The following SPTBN1 variants were observed in gnomAD, a reference collection of about 807,000 sequenced individuals.
SPTBN1 encodes spectrin beta, non-erythrocytic 1.
SPTBN1 carries 32 observed loss-of-function variants against 266.4 expected under a neutral mutation model. The observed-to-expected ratio is 0.12, with a 90% CI of 0.09 to 0.16. SPTBN1 has a LOEUF of 0.16. Among genes scored for constraint, SPTBN1 ranks in the 10% least tolerant of loss-of-function variants. The pLI is 1.00. For synonymous variants in SPTBN1, 1,336 were observed against 1,162.2 expected (o/e 1.15, Z -3.04); for missense variants, 2,296 against 3,067.1 (o/e 0.75, Z 5.94).
chr2:54,481,662 A>G (rs933149725), intron 1 of SPTBN1, among the ~76,000 whole-genome samples: 2 of 152,186 alleles, frequency 1.3e-5, no homozygotes, highest in Non-Finnish European at 2.9e-5. Context: ...TAAAGAGTTT[A>G]ATGTCCCCAG....
rs768446524 is a variant in SPTBN1, at chr2:54,649,684, G to T, written c.5272G>T (p.Val1758Phe). 6.2e-7 allele frequency: 1 copy of T among 1,614,136 alleles called. No homozygotes were observed. The highest frequency in any genetic ancestry group is 8.5e-7 in the Non-Finnish European group (1 of 1,180,008). Residue 1758 changes from valine to phenylalanine, a missense_variant, in exon 26 of 36, where the codon GTC (valine) becomes TTC (phenylalanine). Transcript: ENST00000356805. The surrounding 1 kb of genome is among the most constrained non-coding windows in gnomAD (Gnocchi z 6.7). The part of the protein sequence containing the change: ...GNIGQERVDT[V>F]NHLADELINS... ...CATTGGGCAGGAGCGCGTGGACACG[G>T]TCAATCACCTGGCAGATGAGCTCAT...
chr2:54,491,871 T>C (rs1018483644), intron 1 of SPTBN1, among the ~76,000 whole-genome samples: 1 of 152,166 alleles, frequency 6.6e-6, no homozygotes, highest in African/African-American at 2.4e-5. Flanking sequence ...AGTGCTGGGA[T>C]TACAGTCATG....
Position 54,646,065 on chromosome 2 carries a change from A to G in SPTBN1, c.4584+48A>G, listed in dbSNP as rs749805988. 1 of 1,612,442 alleles carries G rather than the reference A, an allele frequency of 6.2e-7. No individual in the cohort carries two copies. The highest frequency in any genetic ancestry group is 1.1e-5 in the South Asian group (1 of 90,980). On this transcript the variant is annotated intron_variant, in intron 22 of 35. Transcript: ENST00000356805. The surrounding 1 kb of genome is among the most constrained non-coding windows in gnomAD (Gnocchi z 4.4). ...GTTCTGTCTGATAAATAATTGCTCTAAATTATGAGACTGGGAATGGCAGAG... is the reference window on the plus strand; with the variant it reads ...GTTCTGTCTGATAAATAATTGCTCTGAATTATGAGACTGGGAATGGCAGAG...
At chr2:54,641,463 T>C (rs1418942403) in intron 18 of SPTBN1, among the ~76,000 whole-genome samples, 3 of 152,242 alleles carry the variant, frequency 2.0e-5, no homozygotes, top group Non-Finnish European at 4.4e-5. Flanking sequence ...TCTTTTCCCC[T>C]AAGATTGAAT....
chr2:54,499,724 G>T (rs753939378), intron 1 of SPTBN1, among the ~76,000 whole-genome samples: 2 of 152,176 alleles, frequency 1.3e-5, no homozygotes, highest in Admixed American at 6.5e-5. Flanking sequence ...GGTAGATAAA[G>T]CTTCAGAAAC....
chr2:54,622,528 C>A, intron 9 of SPTBN1, 41 bp downstream of exon 9: 1 of 1,596,832 alleles, frequency 6.3e-7, no homozygotes. Context: ...TATGGAAAGA[C>A]ACATCACTGT....
intron 19 of SPTBN1, among the ~76,000 whole-genome samples, chr2:54,643,801 T>C (rs1284352209): frequency 6.6e-6 from 1 of 152,094 alleles, no homozygotes; most frequent in Admixed American, 6.6e-5. Flanking sequence ...TTGGCCAACA[T>C]GGTGAAACCC....
intron 18 of SPTBN1, among the ~76,000 whole-genome samples, chr2:54,640,407 C>G (rs2104008271): frequency 6.6e-6 from 1 of 152,154 alleles, no homozygotes; most frequent in Non-Finnish European, 1.5e-5. Context: ...GTTACCACCC[C>G]CATAAACACC....
rs75288945 is a variant in SPTBN1 at position 54,562,853 on chromosome 2, C to T, written c.149-36239C>T. ...GATCACAGGTGTGAGCCACTGCACC[C>T]GGCCTAGAAATGCTTACCATTTTTA... On this transcript the variant is annotated intron_variant, in intron 2 of 35. Coordinates refer to ENST00000356805, the MANE Select transcript of SPTBN1 (RefSeq NM_003128.3). Among the ~76,000 whole-genome samples, 1,506 of 152,106 alleles carry T rather than the reference C, an allele frequency of 9.9e-3. 31 individuals carry two copies. Among genetic ancestry groups the T allele is most frequent in the African/African-American group, 0.034 (1,420 of 41,468 alleles).
At chr2:54,542,546 C>T (rs980371149) in intron 2 of SPTBN1, among the ~76,000 whole-genome samples, 1 of 152,188 alleles carries the variant, frequency 6.6e-6, no homozygotes, top group Non-Finnish European at 1.5e-5. Flanking sequence ...ATTTCCATCC[C>T]CAGGGGGCTC....
Position 54,646,554 on chromosome 2 carries a change from T to C in SPTBN1, c.4866+79T>C. 2 of 1,416,346 alleles carry C rather than the reference T, an allele frequency of 1.4e-6. No individual in the cohort carries two copies. The highest frequency in any genetic ancestry group is 1.4e-5 in the African/African-American group (1 of 69,374). 87.7% of individuals were successfully genotyped at this position (1,416,346 alleles called of 1,614,324 possible). A position where few individuals can be genotyped will look rare whatever the true frequency, so the allele number is the denominator to read the frequency against. On this transcript the variant is annotated intron_variant, in intron 23 of 35. Coordinates refer to ENST00000356805, the MANE Select transcript of SPTBN1 (RefSeq NM_003128.3). This position sits in a 1 kb window ranked among gnomAD's most constrained non-coding sequence, Gnocchi z 4.4. Reference sequence around the variant, plus strand: ...TGGGCACACTTTCTGCTGGCGGCTCTGTCTGTATAAAAACTTCCCTTGTAG... The same window carrying C: ...TGGGCACACTTTCTGCTGGCGGCTCCGTCTGTATAAAAACTTCCCTTGTAG...
intron 4 of SPTBN1, among the ~76,000 whole-genome samples, chr2:54,614,674 A>G (rs112380983): frequency 0.066 from 10,096 of 151,978 alleles, 418 homozygotes; most frequent in African/African-American, 0.11. Context: ...GTGGTGGCAG[A>G]CACCTATGAT....
intron 1 of SPTBN1, among the ~76,000 whole-genome samples, chr2:54,504,058 C>T (rs1198911685): frequency 6.6e-6 from 1 of 152,202 alleles, no homozygotes; most frequent in African/African-American, 2.4e-5. Context: ...AATATGTGTG[C>T]ATTGATTTTT....
Position 54,633,283 on chromosome 2 carries a change from G to A in SPTBN1, c.3767+515G>A, listed in dbSNP as rs147379525. ...TTAGAAAATTGGCTTGGATAGTGCT[G>A]TAATAGGATCTTTTTCATGATGGAG... On this transcript the variant is annotated intron_variant, in intron 17 of 35. Coordinates refer to ENST00000356805, the MANE Select transcript of SPTBN1 (RefSeq NM_003128.3). 2.8e-3 allele frequency among the ~76,000 whole-genome samples: 433 copies of A among 152,336 alleles called. 3 individuals are homozygous for A. Among genetic ancestry groups the A allele is most frequent in the African/African-American group, 0.01 (427 of 41,564 alleles).
chr2:54,656,637 G>A (rs1047477028), intron 29 of SPTBN1, among the ~76,000 whole-genome samples: 6 of 152,158 alleles, frequency 3.9e-5, no homozygotes, highest in Non-Finnish European at 1.5e-5. Context: ...ATTCTCTGTT[G>A]GAGTTCTGGG....
intron 17 of SPTBN1, among the ~76,000 whole-genome samples, chr2:54,635,071 C>G (rs1179192838): frequency 2.6e-5 from 4 of 152,202 alleles, no homozygotes; most frequent in Non-Finnish European, 5.9e-5. Context: ...GGGTTCTTGA[C>G]TATTCACAGA....
At chr2:54,622,519 A>G (rs746784321) in intron 9 of SPTBN1, 32 bp downstream of exon 9, 1 of 1,604,150 alleles carries the variant, frequency 6.2e-7, no homozygotes, top group South Asian at 1.1e-5. Context: ...GATCATTAAT[A>G]TGGAAAGACA....
intron 2 of SPTBN1, among the ~76,000 whole-genome samples, chr2:54,570,371 AG>A (rs1673972829): frequency 6.6e-6 from 1 of 152,206 alleles, no homozygotes; most frequent in Non-Finnish European, 1.5e-5. Flanking sequence ...CTGGCCTTAA[AG>A]TCCCTTTTTA....
At position 54,653,762 on chromosome 2, in the gene SPTBN1, G is replaced by A. The variant is rs1680463570; in HGVS notation, c.5731G>A (p.Gly1911Arg). 1 of 1,614,088 alleles carries A rather than the reference G, an allele frequency of 6.2e-7. No individual in the cohort carries two copies. The highest frequency in any genetic ancestry group is 1.3e-5 in the African/African-American group (1 of 74,944). ...CCGCAGGGTGCGGCTGGTGGACACA[G>A]GGGACAAGTTCCGCTTCTTCAGCAT... ...ESRRVRLVDT[G>R]DKFRFFSMVR... Residue 1911 changes from glycine (G) to arginine (R), a missense_variant, in exon 27 of 36, where the codon GGG becomes AGG. Gly to Arg is a moderately radical substitution (Grantham distance 125). Around this residue, in one of 12 missense-constraint regions of SPTBN1, gnomAD observed 644 missense variants for 745.3 expected, o/e 0.86. Transcript: ENST00000356805. The surrounding 1 kb of genome is among the most constrained non-coding windows in gnomAD (Gnocchi z 5.1).
Sources: gnomAD v4.1 joint callset for allele counts (sites outside exome capture counted in the v4.1 genomes callset) on GRCh38, gnomAD v4.1.1 for gene constraint, gnomAD v4.1.1 regional missense constraint, Gnocchi (gnomAD v3.1) non-coding constraint, MANE v1.5 for transcripts, NCBI Gene and HGNC (gene_info 2026-07-23, HGNC 2026-07-21) for gene names.